Variants in GRM7 observed in about 807,000 individuals in gnomAD.
GRM7 encodes glutamate metabotropic receptor 7, also known as metabotropic glutamate receptor 7.
GRM7 carries 35 observed loss-of-function variants against 84.5 expected under a neutral mutation model. The ratio of observed to expected loss-of-function variants is 0.41; its 90% CI spans 0.32 to 0.55. The LOEUF is 0.55. Ranked by LOEUF, GRM7 falls within the 20% of genes least tolerant of loss-of-function variation. The pLI, the probability that GRM7 is intolerant of heterozygous loss-of-function variation, is 0.19. For synonymous variants in GRM7, 487 were observed against 455.1 expected (o/e 1.07, Z -0.89); for missense variants, 1,003 against 1,194.6 (o/e 0.84, Z 2.36).
At chr3:7,283,851 G>A (rs552158332) in intron 2 of GRM7, among the ~76,000 whole-genome samples, 19 of 152,176 alleles carry the variant, frequency 1.2e-4, no homozygotes, top group Admixed American at 4.6e-4. Context: ...AAAATAAATG[G>A]GGTTTCTGGC....
intron 8 of GRM7, among the ~76,000 whole-genome samples, chr3:7,618,395 GT>G (rs1186768287): frequency 6.6e-6 from 1 of 152,054 alleles, no homozygotes; most frequent in African/African-American, 2.4e-5. Flanking sequence ...ATTGTGTCTA[GT>G]TAGCCAAAAA....
At chr3:7,172,528 ACCATATGTAGTCT>A (rs1695015017) in intron 2 of GRM7, among the ~76,000 whole-genome samples, 1 of 151,350 alleles carries the variant, frequency 6.6e-6, no homozygotes. Flanking sequence ...TCCGTGAAAG[ACCATATGTAGTCT>A]TCCCCCCCGC....
In GRM7 at chr3:7,741,136, T is replaced by C. The variant is rs755914705; in HGVS notation, c.*730T>C. On this transcript the variant is annotated 3_prime_UTR_variant, in exon 10 of 10. Transcript: ENST00000357716. ...TGGCTGAACTGAATAGAGGTCTTGA[T>C]CTTTGGAATGCATGCCAGTAATGTA... 3.3e-5 allele frequency: 5 copies of C among 152,566 alleles called. No homozygotes were observed. Among genetic ancestry groups the C allele is most frequent in the Non-Finnish European group, 7.3e-5 (5 of 68,030 alleles). The allele number at this position is 152,566 out of a possible 1,614,324, so 9.5% of individuals were successfully genotyped here.
chr3:7,326,342 G>A (rs960674458), intron 4 of GRM7, among the ~76,000 whole-genome samples: 16 of 152,044 alleles, frequency 1.1e-4, no homozygotes, highest in Admixed American at 8.5e-4. Flanking sequence ...GACGGCAGGT[G>A]AGTTACTTTT....
Position 6,863,100 on chromosome 3 carries a change from CTCTT to C in GRM7, c.519+1197_519+1200del, listed in dbSNP as rs990516149. On this transcript the variant is annotated intron_variant, in intron 1 of 9. Coordinates refer to ENST00000357716, the MANE Select transcript of GRM7 (RefSeq NM_000844.4). This position sits in a 1 kb window ranked among gnomAD's most constrained non-coding sequence, Gnocchi z 4.8. ...TCTTTCCCTATATGTGCATCACTCT[CTCTT>C]TCTGTCTCTGTCTCCTTGCTGTTTT... 9 of 382,720 alleles carry C rather than the reference CTCTT, an allele frequency of 2.4e-5. No homozygotes were observed. The highest frequency in any genetic ancestry group is 3.6e-5 in the Non-Finnish European group (7 of 194,284). 23.7% of individuals were successfully genotyped at this position (382,720 alleles called of 1,614,324 possible).
At chr3:7,071,258 G>GA (rs1474830002) in intron 1 of GRM7, among the ~76,000 whole-genome samples, 5 of 152,096 alleles carry the variant, frequency 3.3e-5, no homozygotes, top group Admixed American at 3.3e-4. Flanking sequence ...AAAGGGCATA[G>GA]AAAGAGTTGA....
At chr3:7,602,434 CTGAGA>C (rs1447117719) in intron 8 of GRM7, among the ~76,000 whole-genome samples, 2 of 152,272 alleles carry the variant, frequency 1.3e-5, no homozygotes, top group South Asian at 2.1e-4. Flanking sequence ...TTATCATCTA[CTGAGA>C]TGAAAGAACT....
intron 8 of GRM7, among the ~76,000 whole-genome samples, chr3:7,648,833 G>A (rs1559463306): frequency 6.6e-6 from 1 of 152,114 alleles, no homozygotes. Flanking sequence ...TCTAGGACTT[G>A]GCGAAAGTCA....
chr3:7,570,856 C>T (rs1413477522), intron 7 of GRM7, among the ~76,000 whole-genome samples: 1 of 152,238 alleles, frequency 6.6e-6, no homozygotes, highest in African/African-American at 2.4e-5. Context: ...GTCTGGACAT[C>T]CAGGAGTTTC....
chr3:7,380,810 C>A, intron 4 of GRM7, among the ~76,000 whole-genome samples: 1 of 152,158 alleles, frequency 6.6e-6, no homozygotes, highest in East Asian at 1.9e-4. Context: ...TTCCCTAAAC[C>A]CCATTAGAAC....
rs562813562 is a variant in GRM7 at position 7,193,205 on chromosome 3, G to A, written c.736+46537G>A. On this transcript the variant is annotated intron_variant, in intron 2 of 9. Transcript: ENST00000357716. ...TTAAGGGATAAATGGGTTGGTGCAC[G>A]GATAGGTAGATAGCTGAATGAATGA... is the stretch of plus-strand genomic sequence containing the variant. 9.2e-5 allele frequency among the ~76,000 whole-genome samples: 14 copies of A among 152,134 alleles called. No homozygotes were observed. The East Asian group carries it at 9.7e-4, about 11-fold the overall frequency.
At chr3:7,290,093 C>A (rs1301066385) in intron 2 of GRM7, among the ~76,000 whole-genome samples, 1 of 152,070 alleles carries the variant, frequency 6.6e-6, no homozygotes, top group Non-Finnish European at 1.5e-5. Flanking sequence ...CTCACAGCAA[C>A]TAAAAGAATG....
At chr3:7,292,148 C>G (rs142363190) in intron 2 of GRM7, among the ~76,000 whole-genome samples, 67 of 152,262 alleles carry the variant, frequency 4.4e-4, no homozygotes, top group African/African-American at 1.5e-3. Context: ...TGAAAACACA[C>G]TAATACAGGA....
rs1436981558 is a variant in GRM7 at position 7,188,978 on chromosome 3, G to A, written c.736+42310G>A. Among the ~76,000 whole-genome samples the A allele has an allele frequency of 6.6e-6, 1 of 152,208 alleles. No homozygotes were observed. Among genetic ancestry groups the A allele is most frequent in the Admixed American group, 6.5e-5 (1 of 15,272 alleles). Reference sequence around the variant, plus strand: ...TCATCTAGGAACAAAGAGCCTAGGAGCTGTACTTTCTGAGTGAGTGGTCTC... The same window carrying A: ...TCATCTAGGAACAAAGAGCCTAGGAACTGTACTTTCTGAGTGAGTGGTCTC... On this transcript the variant is annotated intron_variant, in intron 2 of 9. Transcript: ENST00000357716. The surrounding 1 kb of genome is among the most constrained non-coding windows in gnomAD (Gnocchi z 4.2).
intron 2 of GRM7, among the ~76,000 whole-genome samples, chr3:7,168,538 G>C (rs1694880395): frequency 6.6e-6 from 1 of 152,150 alleles, no homozygotes; most frequent in African/African-American, 2.4e-5. Flanking sequence ...CACTGAATCT[G>C]CCAGCACTTT....
intron 8 of GRM7, among the ~76,000 whole-genome samples, chr3:7,585,727 G>C (rs1174876713): frequency 6.6e-6 from 1 of 152,064 alleles, no homozygotes; most frequent in Admixed American, 6.6e-5. Context: ...ACAGCCACAG[G>C]GACCCAGGCC....
chr3:7,366,150 A>G (rs1018693357), intron 4 of GRM7, among the ~76,000 whole-genome samples: 9 of 151,762 alleles, frequency 5.9e-5, no homozygotes, highest in African/African-American at 2.2e-4. Flanking sequence ...CTGTAGATCT[A>G]AAATCATACC....
chr3:7,597,382 AACATGAGATTTGGGAGGAG>A (rs777643545), intron 8 of GRM7, among the ~76,000 whole-genome samples: 19 of 152,198 alleles, frequency 1.2e-4, no homozygotes, highest in Non-Finnish European at 2.1e-4. Flanking sequence ...ATTACACTTC[AACATGAGATTTGGGAGGAG>A]ACAAATATCC....
At chr3:7,256,870 A>C (rs953379224) in intron 2 of GRM7, among the ~76,000 whole-genome samples, 2 of 152,216 alleles carry the variant, frequency 1.3e-5, no homozygotes, top group Non-Finnish European at 2.9e-5. Context: ...TGCTGAGAGA[A>C]CCTAAGATAA....
Sources: allele counts gnomAD v4.1 joint callset (sites outside exome capture counted in the v4.1 genomes callset), GRCh38; gene constraint gnomAD v4.1.1; non-coding constraint Gnocchi (gnomAD v3.1); transcripts MANE v1.5; gene names NCBI Gene and HGNC (gene_info 2026-07-23, HGNC 2026-07-21).